Variants in UBE2D4 observed in about 807,000 individuals in gnomAD.
The protein encoded by UBE2D4 is ubiquitin conjugating enzyme E2 D4.
In UBE2D4, 17 loss-of-function variants were observed where a neutral mutation model predicts 23.0. The observed-to-expected ratio is 0.74, with a 90% CI of 0.51 to 1.11. The LOEUF (loss-of-function observed/expected upper bound fraction) is 1.11, where lower values mean the gene tolerates loss of function less well. Among genes scored for constraint, UBE2D4 ranks in the 50% least tolerant of loss-of-function variants. The pLI is 0.00. For synonymous variants in UBE2D4, 61 were observed against 69.4 expected, an observed-to-expected ratio of 0.88 and a Z score of 0.60; for missense variants, 139 against 181.8, an observed-to-expected ratio of 0.76 and a Z score of 1.35.
intron 6 of UBE2D4, 104 bp downstream of exon 6, chr7:43,950,796 A>T (rs2096000687): frequency 1.1e-6 from 1 of 913,174 alleles, no homozygotes; most frequent in Non-Finnish European, 1.8e-6. Context: ...GTTCCCACAG[A>T]CATCTTCCTG....
chr7:43,952,425 C>G, intron 6 of UBE2D4: 1 of 493,820 alleles, frequency 2.0e-6, no homozygotes, highest in Non-Finnish European at 3.7e-6. Context: ...GGAGAATCAA[C>G]AGTTTGGGGT....
chr7:43,927,299 C>CTTT (rs71769283), intron 1 of UBE2D4, among the ~76,000 whole-genome samples: 12 of 131,198 alleles, frequency 9.1e-5, no homozygotes, highest in African/African-American at 1.7e-4. Flanking sequence ...GTATTTATAA[C>CTTT]TTTTTTTTTT....
At position 43,926,574 on chromosome 7, in the gene UBE2D4, C is replaced by T; in HGVS notation, c.24+18C>T. The stretch of plus-strand genomic sequence containing the variant: ...TCCAGAAGGTACGCACTTTCCCACC[C>T]TCCAACTCTTTGGGTGTCCGAAGCG... On this transcript the variant is annotated intron_variant, in intron 1 of 6. Coordinates refer to ENST00000222402, the MANE Select transcript of UBE2D4 (RefSeq NM_015983.4). The T allele has an allele frequency of 1.3e-6, 2 of 1,566,888 alleles. No homozygotes were observed. Among genetic ancestry groups the T allele is most frequent in the Non-Finnish European group, 8.6e-7 (1 of 1,159,734 alleles).
At chr7:43,945,877 G>T (rs1047102956) in intron 4 of UBE2D4, among the ~76,000 whole-genome samples, 3 of 149,698 alleles carry the variant, frequency 2.0e-5, no homozygotes, top group African/African-American at 7.4e-5. Context: ...CTGCCTCCTG[G>T]ATTCAAGCAA....
At chr7:43,934,230 A>G (rs1424334953) in intron 1 of UBE2D4, among the ~76,000 whole-genome samples, 6 of 152,186 alleles carry the variant, frequency 3.9e-5, no homozygotes, top group African/African-American at 9.7e-5. Context: ...AATACGTGCA[A>G]ATAGATTGTG....
intron 4 of UBE2D4, chr7:43,946,323 G>A (rs980228026): frequency 6.6e-6 from 1 of 152,088 alleles, no homozygotes; most frequent in South Asian, 2.1e-4. Context: ...AGTAATGTGT[G>A]GCTGTGGTTT....
intron 4 of UBE2D4, 81 bp from the exon 5 acceptor site, chr7:43,948,551 C>T: frequency 1.1e-6 from 1 of 916,224 alleles, no homozygotes; most frequent in Non-Finnish European, 1.8e-6. Flanking sequence ...TACTGCCCAG[C>T]AGCAGCTGCT....
intron 1 of UBE2D4, among the ~76,000 whole-genome samples, chr7:43,932,990 A>C (rs2095949538): frequency 1.1e-5 from 1 of 94,244 alleles, no homozygotes. Flanking sequence ...TAAAGTATAT[A>C]TATATATATA....
intron 1 of UBE2D4, among the ~76,000 whole-genome samples, chr7:43,933,160 G>GTA (rs150783942): frequency 3.9e-4 from 58 of 147,212 alleles, no homozygotes; most frequent in Middle Eastern, 3.5e-3. Context: ...ATGTGTGGGT[G>GTA]TATATATATA....
intron 1 of UBE2D4, among the ~76,000 whole-genome samples, chr7:43,936,316 G>A (rs1397806945): frequency 4.6e-5 from 7 of 151,914 alleles, no homozygotes; most frequent in African/African-American, 1.7e-4. Context: ...TGGAGTTGAC[G>A]AAACACCGTA....
At chr7:43,932,054 T>C (rs929085110) in intron 1 of UBE2D4, among the ~76,000 whole-genome samples, 7 of 151,436 alleles carry the variant, frequency 4.6e-5, no homozygotes, top group Non-Finnish European at 7.4e-5. Flanking sequence ...AGTGGCACGA[T>C]CTCGGCTCAC....
Position 43,952,732 on chromosome 7 carries a change from G to A in UBE2D4, c.*37G>A, listed in dbSNP as rs1358847904. ...GTTTTACATGAGACACTGTCCAAGA[G>A]AAGCTGGCAGAGAGGTCTTCCCTTA... is the stretch of plus-strand genomic sequence containing the variant. On this transcript the variant is annotated 3_prime_UTR_variant, in exon 7 of 7. Transcript: ENST00000222402. 5.1e-6 allele frequency: 8 copies of A among 1,572,660 alleles called. No individual in the cohort carries two copies. The East Asian group carries it at 6.7e-5, about 13-fold the overall frequency.
At position 43,955,680 on chromosome 7, in the gene UBE2D4, G is replaced by A. The variant is rs1585898575; in HGVS notation, c.*2985G>A. On this transcript the variant is annotated 3_prime_UTR_variant, in exon 7 of 7. Transcript: ENST00000222402. Reference sequence around the variant, plus strand: ...CTGTCTGCAGAATTCCTTTCCTAGGGTCTGTCTCTGGTACCCAAAAGGGCA... The same window carrying A: ...CTGTCTGCAGAATTCCTTTCCTAGGATCTGTCTCTGGTACCCAAAAGGGCA... 1 of 152,116 alleles carries A rather than the reference G, an allele frequency of 6.6e-6. No individual in the cohort carries two copies. Among genetic ancestry groups the A allele is most frequent in the Non-Finnish European group, 1.5e-5 (1 of 68,046 alleles). The allele number at this position is 152,116 out of a possible 1,614,324, so 9.4% of individuals were successfully genotyped here.
intron 5 of UBE2D4, among the ~76,000 whole-genome samples, chr7:43,949,855 T>A (rs2095997681): frequency 6.6e-6 from 1 of 151,462 alleles, no homozygotes; most frequent in African/African-American, 2.4e-5. Flanking sequence ...GGTTCAGAAT[T>A]TCTTTATTTT....
Position 43,942,992 on chromosome 7 carries a change from C to T in UBE2D4, c.159C>T (p.Thr53=). Residue 53 remains threonine, a synonymous_variant, in exon 4 of 7, where the codon ACC becomes ACT. Coordinates refer to ENST00000222402, the MANE Select transcript of UBE2D4 (RefSeq NM_015983.4). ...SPYQGGVFFL[T]IHFPTDYPFK... ...ACCAAGGAGGTGTTTTCTTCCTGAC[C>T]ATCCACTTTCCTACAGATTACCCGT... 6.2e-7 allele frequency: 1 copy of T among 1,614,172 alleles called. No homozygotes were observed. Among genetic ancestry groups the T allele is most frequent in the Non-Finnish European group, 8.5e-7 (1 of 1,180,030 alleles).
Position 43,953,460 on chromosome 7 carries a change from A to G in UBE2D4, c.*765A>G, listed in dbSNP as rs1023926330. 2 of 328,422 alleles carry G rather than the reference A, an allele frequency of 6.1e-6. No individual in the cohort carries two copies. Among genetic ancestry groups the G allele is most frequent in the South Asian group, 2.5e-5 (1 of 40,772 alleles). The allele number at this position is 328,422 out of a possible 1,614,324, so 20.3% of individuals were successfully genotyped here. On this transcript the variant is annotated 3_prime_UTR_variant, in exon 7 of 7. Coordinates refer to ENST00000222402, the MANE Select transcript of UBE2D4 (RefSeq NM_015983.4). ...ATTCTCACTACCGCCCGCTCCTCCC[A>G]TAGGAGCCTACACTAAGTCCAAGTG...
At chr7:43,935,671 G>A (rs2095956840) in intron 1 of UBE2D4, among the ~76,000 whole-genome samples, 1 of 152,200 alleles carries the variant, frequency 6.6e-6, no homozygotes, top group African/African-American at 2.4e-5. Context: ...TAATGCAGAT[G>A]AGACTTGAAG....
chr7:43,942,753 G>C, intron 2 of UBE2D4, 73 bp from the exon 3 acceptor site: 2 of 1,598,840 alleles, frequency 1.3e-6, no homozygotes, highest in South Asian at 2.2e-5. Flanking sequence ...CTGTAATTTA[G>C]CAGTGCGTTT....
At chr7:43,937,783 A>C (rs770390326) in intron 1 of UBE2D4, among the ~76,000 whole-genome samples, 12 of 152,136 alleles carry the variant, frequency 7.9e-5, no homozygotes, top group Non-Finnish European at 1.2e-4. Flanking sequence ...GGCTTAGTTC[A>C]GGGTTGGTGT....
Sources: gnomAD v4.1 joint callset for allele counts (sites outside exome capture counted in the v4.1 genomes callset) on GRCh38, gnomAD v4.1.1 for gene constraint, MANE v1.5 for transcripts, NCBI Gene and HGNC (gene_info 2026-07-23, HGNC 2026-07-21) for gene names.